The following DPP10 variants were observed in gnomAD, a reference collection of about 807,000 sequenced individuals.
The protein encoded by DPP10 is dipeptidyl peptidase like 10, also known as inactive dipeptidyl peptidase 10.
Under a neutral mutation model 120.9 loss-of-function variants are expected in DPP10, and 33 were observed. The ratio of observed to expected loss-of-function variants is 0.27; its 90% CI spans 0.21 to 0.37. The LOEUF (loss-of-function observed/expected upper bound fraction) is 0.37. Among genes scored for constraint, DPP10 ranks in the 10% least tolerant of loss-of-function variants. DPP10 has a pLI of 1.00. For synonymous variants in DPP10, 337 were observed against 326.1 expected, an observed-to-expected ratio of 1.03 and a Z score of -0.36; for missense variants, 816 against 942.8, an observed-to-expected ratio of 0.87 and a Z score of 1.76.
intron 1 of DPP10, chr2:114,828,738 T>A (rs1430517349): frequency 6.6e-6 from 1 of 152,204 alleles, no homozygotes; most frequent in Non-Finnish European, 1.5e-5. Flanking sequence ...ATTGATGTAT[T>A]TGCAGAGAAG....
At chr2:114,927,504 C>G in intron 1 of DPP10, among the ~76,000 whole-genome samples, 1 of 151,982 alleles carries the variant, frequency 6.6e-6, no homozygotes, top group African/African-American at 2.4e-5. Flanking sequence ...TGAGGGACTT[C>G]TATGTCACAG....
chr2:114,683,504 T>C (rs1236721121), intron 1 of DPP10, among the ~76,000 whole-genome samples: 4 of 149,788 alleles, frequency 2.7e-5, no homozygotes, highest in Non-Finnish European at 4.5e-5. Context: ...CCCTTCCCTT[T>C]CCTTCCCTCT....
At chr2:115,744,888 A>G (rs982286875) in intron 9 of DPP10, among the ~76,000 whole-genome samples, 4 of 150,066 alleles carry the variant, frequency 2.7e-5, no homozygotes, top group African/African-American at 9.7e-5. Flanking sequence ...TCTTTTCTAT[A>G]TATCTCATGT....
chr2:115,279,234 T>A (rs555859337), intron 1 of DPP10, among the ~76,000 whole-genome samples: 169 of 152,280 alleles, frequency 1.1e-3, no homozygotes, highest in Non-Finnish European at 2.0e-3. Context: ...GTCTCTCATG[T>A]ATGAATTTGA....
chr2:114,808,542 A>T (rs1231281254), intron 1 of DPP10, among the ~76,000 whole-genome samples: 2 of 146,610 alleles, frequency 1.4e-5, no homozygotes, highest in African/African-American at 2.6e-5. Flanking sequence ...TCGGAATCTA[A>T]CTTTTTTTTT....
chr2:114,476,961 G>T (rs1202933940), intron 1 of DPP10, among the ~76,000 whole-genome samples: 1 of 150,600 alleles, frequency 6.6e-6, no homozygotes, highest in Admixed American at 6.6e-5. Context: ...TATAAAAATT[G>T]ATTCTTTTTT....
At chr2:114,539,089 A>G (rs1686746247) in intron 1 of DPP10, among the ~76,000 whole-genome samples, 1 of 151,812 alleles carries the variant, frequency 6.6e-6, no homozygotes, top group Non-Finnish European at 1.5e-5. Context: ...GCCACATAGC[A>G]GACAAAGTGA....
chr2:115,690,961 G>T (rs1010858647), intron 7 of DPP10, among the ~76,000 whole-genome samples: 1 of 152,062 alleles, frequency 6.6e-6, no homozygotes, highest in Non-Finnish European at 1.5e-5. Context: ...CTCAAATGAT[G>T]ATACAAAATA....
chr2:115,543,612 C>T (rs1454647518), intron 5 of DPP10, among the ~76,000 whole-genome samples: 1 of 151,724 alleles, frequency 6.6e-6, no homozygotes, highest in Non-Finnish European at 1.5e-5. Context: ...CATATAAACT[C>T]TTTAAAGGCA....
At chr2:115,450,658 C>T (rs143518511) in intron 3 of DPP10, among the ~76,000 whole-genome samples, 2 of 151,976 alleles carry the variant, frequency 1.3e-5, no homozygotes, top group East Asian at 3.9e-4. Context: ...TAAAATATGG[C>T]ATATCCTTGT....
chr2:115,133,281 G>C (rs1005269163), intron 1 of DPP10, among the ~76,000 whole-genome samples: 4 of 147,690 alleles, frequency 2.7e-5, no homozygotes, highest in Non-Finnish European at 6.0e-5. Context: ...TGGGTGACAA[G>C]AGCAAAACTC....
intron 1 of DPP10, among the ~76,000 whole-genome samples, chr2:114,600,426 A>G (rs759493191): frequency 6.6e-6 from 1 of 151,808 alleles, no homozygotes; most frequent in Non-Finnish European, 1.5e-5. Context: ...TCGTTCACTC[A>G]TTATAATATC....
chr2:115,193,386 C>T (rs944071419), intron 1 of DPP10, among the ~76,000 whole-genome samples: 13 of 152,088 alleles, frequency 8.5e-5, no homozygotes, highest in Non-Finnish European at 1.8e-4. Context: ...CTGCCTAAGA[C>T]CACCAGATTA....
chr2:115,489,626 T>A (rs2075992083), intron 3 of DPP10, among the ~76,000 whole-genome samples: 1 of 151,876 alleles, frequency 6.6e-6, no homozygotes, highest in South Asian at 2.1e-4. Flanking sequence ...TTTTTTTTTT[T>A]TAAATTAAGC....
At chr2:115,089,741 C>G (rs909193411) in intron 1 of DPP10, among the ~76,000 whole-genome samples, 1 of 152,156 alleles carries the variant, frequency 6.6e-6, no homozygotes, top group Non-Finnish European at 1.5e-5. Flanking sequence ...ATTTTATCAC[C>G]AGTGTAGTGT....
chr2:115,484,474 A>G (rs2075645415), intron 3 of DPP10, among the ~76,000 whole-genome samples: 1 of 152,118 alleles, frequency 6.6e-6, no homozygotes, highest in African/African-American at 2.4e-5. Context: ...GCATACCACT[A>G]ATGTACAGCA....
chr2:114,452,534 T>C (rs1678345418), intron 1 of DPP10, among the ~76,000 whole-genome samples: 1 of 152,090 alleles, frequency 6.6e-6, no homozygotes, highest in South Asian at 2.1e-4. Context: ...AAAGGAAAAA[T>C]AGGCAAACGT....
intron 1 of DPP10, among the ~76,000 whole-genome samples, chr2:115,089,467 G>C (rs75536834): frequency 6.6e-6 from 1 of 152,022 alleles, no homozygotes; most frequent in Non-Finnish European, 1.5e-5. Context: ...TGTTTATTTC[G>C]GATTGTCATC....
intron 1 of DPP10, among the ~76,000 whole-genome samples, chr2:115,068,990 G>A (rs1707149447): frequency 6.6e-6 from 1 of 151,994 alleles, no homozygotes; most frequent in African/African-American, 2.4e-5. Flanking sequence ...TCAACATCTG[G>A]TAGTATGATG....
Sources: allele counts gnomAD v4.1 joint callset (sites outside exome capture counted in the v4.1 genomes callset), GRCh38; gene constraint gnomAD v4.1.1; transcripts MANE v1.5; gene names NCBI Gene and HGNC (gene_info 2026-07-23, HGNC 2026-07-21).